The following WDR26 variants were observed in gnomAD, a reference collection of about 807,000 sequenced individuals.
The protein encoded by WDR26 is WD repeat-containing protein 26.
WDR26 carries 5 observed loss-of-function variants against 84.1 expected under a neutral mutation model. That is an observed-to-expected ratio of 0.06 (90% CI 0.03 to 0.13). The LOEUF (loss-of-function observed/expected upper bound fraction) is 0.13, where lower values mean the gene tolerates loss of function less well. WDR26 is among the 10% of genes least tolerant of loss of function. The pLI, the probability that WDR26 is intolerant of heterozygous loss-of-function variation, is 1.00. For synonymous variants in WDR26, 415 were observed against 389.6 expected, an observed-to-expected ratio of 1.07 and a Z score of -0.77; for missense variants, 642 against 974.9, an observed-to-expected ratio of 0.66 and a Z score of 4.55.
intron 3 of WDR26, chr1:224,429,460 A>G (rs1018873153): frequency 9.2e-5 from 14 of 152,234 alleles, no homozygotes; most frequent in Non-Finnish European, 1.9e-4. Context: ...CTTCTAAGAT[A>G]TTATTACAAA....
chr1:224,425,729 A>C (rs567358232), intron 3 of WDR26, among the ~76,000 whole-genome samples: 15 of 152,318 alleles, frequency 9.8e-5, no homozygotes, highest in Admixed American at 5.2e-4. Flanking sequence ...CAAGCCAATT[A>C]ATGTAAACAG....
chr1:224,428,695 G>A (rs138766934), intron 3 of WDR26, among the ~76,000 whole-genome samples: 3 of 150,256 alleles, frequency 2.0e-5, no homozygotes, highest in East Asian at 2.0e-4. Context: ...TCAGGAGTTC[G>A]AGACCAGCCT....
chr1:224,390,262 G>T (rs1673087285), intron 13 of WDR26, among the ~76,000 whole-genome samples: 1 of 152,130 alleles, frequency 6.6e-6, no homozygotes, highest in African/African-American at 2.4e-5. Context: ...CAGGACTACA[G>T]GCACATGCCA....
chr1:224,393,882 C>A lies in WDR26; in HGVS notation c.2206G>T (p.Gly736Cys). The A allele has an allele frequency of 6.3e-7, 1 of 1,589,580 alleles. No individual in the cohort carries two copies. The highest frequency in any genetic ancestry group is 8.6e-7 in the Non-Finnish European group (1 of 1,160,742). Reference sequence around the variant, plus strand: ...GCTGGTCCCCATATTCTAACAGTGCCATCATCTGAGGCGCTGGCCATCATG... The same window carrying A: ...GCTGGTCCCCATATTCTAACAGTGCAATCATCTGAGGCGCTGGCCATCATG... Residue 736 changes from glycine (G) to cysteine (C), a missense_variant, in exon 13 of 14, where the codon GGC becomes TGC. Around this residue, in one of 2 missense-constraint regions of WDR26, gnomAD observed 351 missense variants for 672.8 expected, o/e 0.52. Coordinates refer to ENST00000414423, the MANE Select transcript of WDR26 (RefSeq NM_001379403.1).
At chr1:224,421,273 A>T (rs1674053324) in intron 4 of WDR26, among the ~76,000 whole-genome samples, 1 of 152,188 alleles carries the variant, frequency 6.6e-6, no homozygotes, top group South Asian at 2.1e-4. Context: ...CATGTGAATG[A>T]TATTCCGATG....
In WDR26 at chr1:224,424,666, G is replaced by A. The variant is rs1267593053; in HGVS notation, c.928-12C>T. On this transcript the variant is annotated splice_polypyrimidine_tract_variant and intron_variant, in intron 3 of 13. Coordinates refer to ENST00000414423, the MANE Select transcript of WDR26 (RefSeq NM_001379403.1). ...AAAAACTTCATCCTCTGACATGACA[G>A]AAAGCAGCAGTCAGGGGAAAAAAGT... 1 of 1,614,100 alleles carries A rather than the reference G, an allele frequency of 6.2e-7. No individual in the cohort carries two copies. Among genetic ancestry groups the A allele is most frequent in the Admixed American group, 1.7e-5 (1 of 60,024 alleles).
chr1:224,430,114 A>C (rs923119923), intron 3 of WDR26: 1 of 152,196 alleles, frequency 6.6e-6, no homozygotes. Context: ...AAATTTATGC[A>C]GAACTGCTCA....
chr1:224,433,617 C>CAAA, intron 1 of WDR26, 67 bp downstream of exon 1: 2 of 877,114 alleles, frequency 2.3e-6, no homozygotes, highest in Non-Finnish European at 3.0e-6. Flanking sequence ...TCCGCCCCTT[C>CAAA]CCCTACCCCC....
chr1:224,398,447 G>A, intron 11 of WDR26, 68 bp downstream of exon 11: 1 of 1,402,024 alleles, frequency 7.1e-7, no homozygotes, highest in Non-Finnish European at 9.8e-7. Context: ...TAAATACACT[G>A]AAAATAACAG....
chr1:224,410,244 G>A lies in WDR26; in HGVS notation c.1458+1183C>T, dbSNP rs192607796. Among the ~76,000 whole-genome samples, 48 of 139,264 alleles carry A rather than the reference G, an allele frequency of 3.4e-4. No individual in the cohort carries two copies. The East Asian group carries it at 8.0e-3, about 23-fold the overall frequency. 91.4% of individuals were successfully genotyped at this position (139,264 alleles called of 152,430 possible). A position where few individuals can be genotyped will look rare whatever the true frequency, so the allele number is the denominator to read the frequency against. On this transcript the variant is annotated intron_variant, in intron 7 of 13. Transcript: ENST00000414423. ...TGCAGTGAGCCAAGATCGCACCATT[G>A]CACTCCAGCCTGGGGGACAAGAGCG...
At chr1:224,393,726 A>G in intron 13 of WDR26, 102 bp downstream of exon 13, 1 of 987,260 alleles carries the variant, frequency 1.0e-6, no homozygotes, top group Non-Finnish European at 1.4e-6. Context: ...GAAATCATAT[A>G]CCACACTTTA....
chr1:224,433,806 G>A lies in WDR26; in HGVS notation c.600C>T (p.Ala200=), dbSNP rs951197848. ...CTGGGGTGGCCAAGGAAGAGGAGGC[G>A]GCGGTGGTGGCGGAGGCAGCTGCGA... Residue 200 remains alanine, a synonymous_variant, in exon 1 of 14, where the codon GCC becomes GCT. Coordinates refer to ENST00000414423, the MANE Select transcript of WDR26 (RefSeq NM_001379403.1). 2 of 1,536,812 alleles carry A rather than the reference G, an allele frequency of 1.3e-6. No individual in the cohort carries two copies. The highest frequency in any genetic ancestry group is 1.2e-5 in the South Asian group (1 of 84,028).
At chr1:224,394,518 T>C (rs559863979) in intron 12 of WDR26, among the ~76,000 whole-genome samples, 20 of 149,130 alleles carry the variant, frequency 1.3e-4, no homozygotes, top group African/African-American at 4.4e-4. Context: ...TTTTTTTTTT[T>C]CTTTGAGACG....
chr1:224,405,914 G>T (rs1397196691), intron 7 of WDR26, among the ~76,000 whole-genome samples: 1 of 152,180 alleles, frequency 6.6e-6, no homozygotes, highest in Admixed American at 6.5e-5. Context: ...AGAGAACTAG[G>T]ATAACAATGT....
chr1:224,424,436 A>C (rs1206375569), intron 4 of WDR26, 82 bp downstream of exon 4: 1 of 1,539,728 alleles, frequency 6.5e-7, no homozygotes, highest in Non-Finnish European at 8.8e-7. Flanking sequence ...GCAATAATCA[A>C]GATTTTATAT....
chr1:224,408,344 C>G (rs1053950254), intron 7 of WDR26, among the ~76,000 whole-genome samples: 3 of 152,116 alleles, frequency 2.0e-5, no homozygotes, highest in Admixed American at 6.6e-5. Context: ...CCTGTAGCAC[C>G]CACTATAAAT....
At chr1:224,404,637 C>T in intron 7 of WDR26, 67 bp from the exon 8 acceptor site, 1 of 1,529,810 alleles carries the variant, frequency 6.5e-7, no homozygotes, top group South Asian at 1.2e-5. Flanking sequence ...AATGTAAGAA[C>T]TTAAATAGCT....
intron 6 of WDR26, among the ~76,000 whole-genome samples, chr1:224,416,352 C>T (rs974035220): frequency 6.6e-6 from 1 of 151,970 alleles, no homozygotes; most frequent in East Asian, 1.9e-4. Context: ...CTCAGCCTCC[C>T]GAGTAGCTGG....
At chr1:224,395,573 A>T (rs1227037604) in intron 12 of WDR26, among the ~76,000 whole-genome samples, 1 of 151,368 alleles carries the variant, frequency 6.6e-6, no homozygotes, top group Non-Finnish European at 1.5e-5. Flanking sequence ...ATAATTTTTG[A>T]AAATAATTTT....
Sources: allele counts gnomAD v4.1 joint callset (sites outside exome capture counted in the v4.1 genomes callset), GRCh38; gene constraint gnomAD v4.1.1; regional missense constraint gnomAD v4.1.1; transcripts MANE v1.5; gene names NCBI Gene and HGNC (gene_info 2026-07-23, HGNC 2026-07-21).